STX2: variants seen among roughly 807,000 people sequenced by gnomAD.
STX2 encodes syntaxin 2, also known as syntaxin-2.
A neutral mutation model predicts 40.6 loss-of-function variants in STX2; 27 were observed. That is an observed-to-expected ratio of 0.66 (90% CI 0.49 to 0.92). The LOEUF (loss-of-function observed/expected upper bound fraction) is 0.92. Among genes scored for constraint, STX2 ranks in the 40% least tolerant of loss-of-function variants. STX2 has a pLI of 0.00. For missense variants in STX2, 328 were observed against 366.1 expected (o/e 0.90, Z 0.85); for synonymous variants, 123 against 119.1 (o/e 1.03, Z -0.22).
chr12:130,822,686 C>T (rs1235297618), intron 2 of STX2, among the ~76,000 whole-genome samples: 1 of 152,146 alleles, frequency 6.6e-6, no homozygotes, highest in African/African-American at 2.4e-5. Flanking sequence ...GCAAAAGATA[C>T]TTTGCAGATG....
intron 3 of STX2, among the ~76,000 whole-genome samples, chr12:130,818,185 A>AAATATATATATATATATAT: frequency 4.5e-4 from 32 of 70,534 alleles, no homozygotes; most frequent in Middle Eastern, 8.5e-3. Flanking sequence ...AAAAAAAAAA[A>AAATATATATATATATATAT]ATATATATAT....
At chr12:130,812,883 A>C in intron 4 of STX2, 74 bp downstream of exon 4, 1 of 1,094,664 alleles carries the variant, frequency 9.1e-7, no homozygotes, top group Non-Finnish European at 1.3e-6. Context: ...AAAAGAACAA[A>C]AACCAATAAA....
intron 10 of STX2, among the ~76,000 whole-genome samples, chr12:130,792,883 T>A (rs1057168786): frequency 3.9e-5 from 6 of 152,202 alleles, no homozygotes; most frequent in African/African-American, 1.4e-4. Flanking sequence ...TTAACTTTTT[T>A]AAAATTAACA....
At chr12:130,817,136 A>G (rs777551759) in intron 3 of STX2, among the ~76,000 whole-genome samples, 62 of 152,226 alleles carry the variant, frequency 4.1e-4, no homozygotes, top group African/African-American at 1.5e-3. Context: ...ATGAAAACCC[A>G]ACAAAAAGAG....
chr12:130,795,866 A>G, intron 10 of STX2, 129 bp downstream of exon 10: 1 of 1,123,642 alleles, frequency 8.9e-7, no homozygotes, highest in Non-Finnish European at 1.2e-6. Context: ...CAGATGTATC[A>G]CTAGATGGCA....
In STX2 at chr12:130,792,175, C is replaced by T. The variant is rs188657744; in HGVS notation, c.*46-198G>A. 2.0e-3 allele frequency among the ~76,000 whole-genome samples: 298 copies of T among 152,280 alleles called. 1 individual carries two copies. The highest frequency in any genetic ancestry group is 6.9e-3 in the African/African-American group (288 of 41,552). On this transcript the variant is annotated intron_variant, in intron 10 of 10. Coordinates refer to ENST00000392373, the MANE Select transcript of STX2 (RefSeq NM_194356.4). ...TTCCGGGTTCAAGTGATTCTCCTGC[C>T]TCAGCCTCCCGAGTAGCTGGGACTA...
chr12:130,791,775 A>G lies in STX2; in HGVS notation c.*248T>C, dbSNP rs1261317705. 4 of 837,354 alleles carry G rather than the reference A, an allele frequency of 4.8e-6. No homozygotes were observed. The highest frequency in any genetic ancestry group is 3.4e-5 in the African/African-American group (2 of 58,380). 51.9% of individuals were successfully genotyped at this position (837,354 alleles called of 1,614,324 possible). On this transcript the variant is annotated 3_prime_UTR_variant, in exon 11 of 11. Coordinates refer to ENST00000392373, the MANE Select transcript of STX2 (RefSeq NM_194356.4). Reference sequence around the variant, plus strand: ...TTGTGCTTCTTCCGTGAACTCATACATTACAAGGTCAGCACTCGATGCCGG... The same window carrying G: ...TTGTGCTTCTTCCGTGAACTCATACGTTACAAGGTCAGCACTCGATGCCGG...
chr12:130,828,115 T>C (rs2136340617), intron 1 of STX2, among the ~76,000 whole-genome samples: 1 of 152,302 alleles, frequency 6.6e-6, no homozygotes, highest in South Asian at 2.1e-4. Flanking sequence ...CAGAAGACCC[T>C]AAGGATAAGA....
At chr12:130,801,841 T>C (rs1951240061) in intron 6 of STX2, among the ~76,000 whole-genome samples, 1 of 152,222 alleles carries the variant, frequency 6.6e-6, no homozygotes, top group Non-Finnish European at 1.5e-5. Context: ...ATGTAGCATG[T>C]ATTAAATGAG....
intron 3 of STX2, among the ~76,000 whole-genome samples, chr12:130,817,599 C>CAAG (rs989480171): frequency 5.3e-5 from 8 of 151,942 alleles, no homozygotes; most frequent in African/African-American, 1.9e-4. Context: ...TCCAAAGACT[C>CAAG]AAGAAGCCTT....
intron 6 of STX2, among the ~76,000 whole-genome samples, chr12:130,805,888 A>T (rs1951413319): frequency 6.6e-6 from 1 of 152,210 alleles, no homozygotes; most frequent in Admixed American, 6.5e-5. Context: ...AAAGGAAGGA[A>T]ATCAACCAAC....
rs1326419264 is a variant in STX2, at chr12:130,807,867, C to T, written c.354+764G>A. Among the ~76,000 whole-genome samples the T allele has an allele frequency of 2.6e-5, 4 of 151,906 alleles. No homozygotes were observed. In the East Asian group the frequency reaches 5.8e-4, roughly 22 times the overall value. On this transcript the variant is annotated intron_variant, in intron 5 of 10. Coordinates refer to ENST00000392373, the MANE Select transcript of STX2 (RefSeq NM_194356.4). ...GGAACTGAGTCATGCAAAACACTGCCCTCCCTCCTCTTCTCAAACAGATGG... is the reference window on the plus strand; with the variant it reads ...GGAACTGAGTCATGCAAAACACTGCTCTCCCTCCTCTTCTCAAACAGATGG...
intron 1 of STX2, among the ~76,000 whole-genome samples, chr12:130,837,259 C>T (rs910274407): frequency 2.0e-5 from 3 of 151,916 alleles, no homozygotes; most frequent in Admixed American, 6.6e-5. Context: ...ACTACAGGTG[C>T]GAGTCACACC....
intron 2 of STX2, among the ~76,000 whole-genome samples, chr12:130,822,370 C>G (rs1015877358): frequency 1.3e-5 from 2 of 151,898 alleles, no homozygotes; most frequent in African/African-American, 2.4e-5. Flanking sequence ...GAACCAAGAT[C>G]ACACCACTGC....
intron 1 of STX2, among the ~76,000 whole-genome samples, chr12:130,829,598 C>G (rs1045534712): frequency 2.0e-5 from 3 of 152,204 alleles, no homozygotes; most frequent in African/African-American, 7.2e-5. Flanking sequence ...ATCTACTCCC[C>G]TGTGCGTGCC....
At chr12:130,826,106 T>C (rs535240820) in intron 2 of STX2, among the ~76,000 whole-genome samples, 12 of 152,338 alleles carry the variant, frequency 7.9e-5, no homozygotes, top group South Asian at 4.1e-4. Flanking sequence ...CACCTGTGAC[T>C]TTCCTCTGAG....
intron 10 of STX2, 78 bp downstream of exon 10, chr12:130,795,917 T>C: frequency 2.0e-6 from 3 of 1,473,990 alleles, no homozygotes; most frequent in Non-Finnish European, 2.7e-6. Context: ...ATTAGTTTTA[T>C]GTCTATTACA....
At chr12:130,799,602 G>A (rs1459360102) in intron 8 of STX2, among the ~76,000 whole-genome samples, 4 of 152,066 alleles carry the variant, frequency 2.6e-5, no homozygotes, top group Admixed American at 6.6e-5. Flanking sequence ...GAGTAAGATC[G>A]TCCCATCCCT....
chr12:130,807,736 C>T (rs1021010481), intron 5 of STX2, among the ~76,000 whole-genome samples: 10 of 152,170 alleles, frequency 6.6e-5, no homozygotes, highest in Non-Finnish European at 1.5e-4. Context: ...TGTTGATGGA[C>T]CGAATAGATT....
Sources: allele counts gnomAD v4.1 joint callset (sites outside exome capture counted in the v4.1 genomes callset), GRCh38; gene constraint gnomAD v4.1.1; transcripts MANE v1.5; gene names NCBI Gene and HGNC (gene_info 2026-07-23, HGNC 2026-07-21).